The following FGD2 variants were observed in gnomAD, a reference collection of about 807,000 sequenced individuals.
The protein encoded by FGD2 is FYVE, RhoGEF and PH domain-containing protein 2.
Under a neutral mutation model 75.9 loss-of-function variants are expected in FGD2, and 52 were observed. The observed-to-expected ratio is 0.69, with a 90% CI of 0.55 to 0.86. The LOEUF (loss-of-function observed/expected upper bound fraction) is 0.86. Among genes scored for constraint, FGD2 ranks in the 40% least tolerant of loss-of-function variants. FGD2 has a pLI of 0.00. For synonymous variants in FGD2, 347 were observed against 348.6 expected (o/e 1.00, Z 0.05); for missense variants, 790 against 872.0 (o/e 0.91, Z 1.18).
At chr6:37,027,335 G>GT in intron 14 of FGD2, 94 bp from the exon 15 acceptor site, 1 of 1,456,602 alleles carries the variant, frequency 6.9e-7, no homozygotes, top group Non-Finnish European at 9.4e-7. Flanking sequence ...CAGTACTGCT[G>GT]TAAGGATTGG....
chr6:37,005,937 C>G (rs1320042698), intron 1 of FGD2, 52 bp downstream of exon 1: 2 of 1,588,296 alleles, frequency 1.3e-6, no homozygotes, highest in East Asian at 4.5e-5. Context: ...CAGCCACCCT[C>G]CAGCCTTTCT....
intron 9 of FGD2, among the ~76,000 whole-genome samples, chr6:37,019,419 T>C (rs1477793143): frequency 1.3e-5 from 2 of 152,294 alleles, no homozygotes. Flanking sequence ...TGAGGAAAGA[T>C]GTGCTTGTAC....
intron 3 of FGD2, 167 bp from the exon 4 acceptor site, chr6:37,011,539 C>A: frequency 1.1e-6 from 1 of 907,542 alleles, no homozygotes. Flanking sequence ...TGTAAAGTGG[C>A]CAGAACACAA....
In FGD2 at chr6:37,027,464, GTGCAGCTTCC is replaced by G. The variant is rs1325460007; in HGVS notation, c.1649_1658del (p.Phe550SerfsTer16). On this transcript the variant is annotated frameshift_variant, in exon 15 of 16. Coordinates refer to ENST00000274963, the MANE Select transcript of FGD2 (RefSeq NM_173558.4). LOFTEE classifies it high-confidence loss of function. The stretch of plus-strand genomic sequence containing the variant: ...CAGCCACGCCTGACCAGAGCCTGAT[GTGCAGCTTCC>G]TGCAGCTCATCGGGGACAAGTGGGG... The G allele has an allele frequency of 6.2e-7, 1 of 1,613,804 alleles. No individual in the cohort carries two copies. The highest frequency in any genetic ancestry group is 1.7e-5 in the Admixed American group (1 of 59,988).
intron 1 of FGD2, among the ~76,000 whole-genome samples, chr6:37,007,712 G>C (rs908898174): frequency 2.0e-5 from 3 of 152,194 alleles, no homozygotes; most frequent in African/African-American, 7.2e-5. Context: ...GCTGGCCAGG[G>C]GCCCTAGAAC....
intron 9 of FGD2, among the ~76,000 whole-genome samples, chr6:37,019,859 T>TC (rs1018239208): frequency 4.4e-4 from 66 of 149,752 alleles, no homozygotes; most frequent in African/African-American, 1.4e-3. Flanking sequence ...TCTTTTCTTT[T>TC]TTTTTTTTTT....
intron 9 of FGD2, 55 bp from the exon 10 acceptor site, chr6:37,020,486 G>A: frequency 6.6e-7 from 1 of 1,524,410 alleles, no homozygotes; most frequent in Non-Finnish European, 8.9e-7. Flanking sequence ...ACAGTGCTGT[G>A]CCTGGGACCC....
intron 3 of FGD2, 136 bp downstream of exon 3, chr6:37,011,186 AACCTC>A: frequency 1.3e-6 from 1 of 780,198 alleles, no homozygotes; most frequent in Non-Finnish European, 2.1e-6. Context: ...TTGGCCCTTT[AACCTC>A]AATGGCTGGG....
intron 9 of FGD2, among the ~76,000 whole-genome samples, chr6:37,018,044 T>G (rs1765387100): frequency 6.6e-6 from 1 of 152,154 alleles, no homozygotes; most frequent in Non-Finnish European, 1.5e-5. Flanking sequence ...TCTGGAGTCC[T>G]TGGTGAGTGA....
rs1583319592 is a variant in FGD2, at chr6:37,022,110, A to G, written c.1327-129A>G. ...GATCAGGTCAGTCAGCTTGCTGTAG[A>G]AGCCCCAGGGAAGCCCAACACAAAG... On this transcript the variant is annotated intron_variant, in intron 12 of 15. Transcript: ENST00000274963. The G allele has an allele frequency of 5.4e-6, 7 of 1,291,050 alleles. No individual in the cohort carries two copies. The East Asian group carries it at 1.9e-4, about 35-fold the overall frequency. 80.0% of individuals were successfully genotyped at this position (1,291,050 alleles called of 1,614,324 possible).
intron 14 of FGD2, chr6:37,026,242 C>T: frequency 2.0e-6 from 2 of 985,426 alleles, no homozygotes; most frequent in Non-Finnish European, 2.4e-6. Flanking sequence ...TGTTCACGTC[C>T]CCATGTCCTG....
Position 37,008,905 on chromosome 6 carries a change from A to C in FGD2, c.140A>C (p.Glu47Ala), listed in dbSNP as rs1764875676. The C allele has an allele frequency of 6.2e-7, 1 of 1,614,198 alleles. No homozygotes were observed. Among genetic ancestry groups the C allele is most frequent in the Non-Finnish European group, 8.5e-7 (1 of 1,180,008 alleles). ...VHHRPECRPP[E>A]SPGPREKTNV... Reference sequence around the variant, plus strand: ...CACCGCCCTGAGTGCAGGCCTCCCGAGTCCCCAGGACCACGGGAGAAGACG... The same window carrying C: ...CACCGCCCTGAGTGCAGGCCTCCCGCGTCCCCAGGACCACGGGAGAAGACG... Residue 47 changes from glutamate to alanine, a missense_variant, in exon 2 of 16, where the codon GAG becomes GCG. By Grantham distance (107) the Glu-to-Ala change is moderately radical. Coordinates refer to ENST00000274963, the MANE Select transcript of FGD2 (RefSeq NM_173558.4).
At chr6:37,011,945 A>T in intron 4 of FGD2, 91 bp downstream of exon 4, 1 of 1,416,134 alleles carries the variant, frequency 7.1e-7, no homozygotes, top group Non-Finnish European at 9.5e-7. Flanking sequence ...TCAGCCTCCT[A>T]GGCCCAGGCC....
At chr6:37,026,264 C>G in intron 14 of FGD2, 1 of 985,438 alleles carries the variant, frequency 1.0e-6, no homozygotes, top group Non-Finnish European at 1.2e-6. Context: ...CCCGACAGTC[C>G]CAGGGTGCCA....
chr6:37,027,657 G>C lies in FGD2; in HGVS notation c.1752+82G>C. ...GTGAAGGGGGTCAGGGGTGAGTATTGCTAGCTCCATATGTCAGATAGGGAA... is the reference window on the plus strand; with the variant it reads ...GTGAAGGGGGTCAGGGGTGAGTATTCCTAGCTCCATATGTCAGATAGGGAA... On this transcript the variant is annotated intron_variant, in intron 15 of 15. Coordinates refer to ENST00000274963, the MANE Select transcript of FGD2 (RefSeq NM_173558.4). The C allele has an allele frequency of 2.0e-6, 3 of 1,528,242 alleles. No homozygotes were observed. In the South Asian group the frequency reaches 3.5e-5, roughly 18 times the overall value. The allele number at this position is 1,528,242 out of a possible 1,614,324, so 94.7% of individuals were successfully genotyped here.
chr6:37,020,888 ATGTGTGTG>A (rs58421270), intron 11 of FGD2, 149 bp downstream of exon 11: 6 of 696,440 alleles, frequency 8.6e-6, no homozygotes, highest in Admixed American at 2.8e-5. Context: ...GTATGTATGC[ATGTGTGTG>A]TGTGTGTGTG....
chr6:37,016,237 C>G (rs1765285906), intron 9 of FGD2, among the ~76,000 whole-genome samples: 1 of 152,186 alleles, frequency 6.6e-6, no homozygotes, highest in Non-Finnish European at 1.5e-5. Context: ...TCCTGCATTT[C>G]TAACCAGCTC....
intron 4 of FGD2, chr6:37,012,986 GTA>G (rs1384266261): frequency 1.0e-5 from 1 of 95,574 alleles, no homozygotes; most frequent in African/African-American, 4.1e-5. Context: ...GTGTGTGTGT[GTA>G]TACATATATA....
intron 7 of FGD2, 93 bp downstream of exon 7, chr6:37,014,797 C>T: frequency 6.2e-7 from 1 of 1,608,884 alleles, no homozygotes; most frequent in Non-Finnish European, 8.5e-7. Context: ...GCTGCCCTCA[C>T]TGTTACCCCC....
Sources: gnomAD v4.1 joint callset for allele counts (sites outside exome capture counted in the v4.1 genomes callset) on GRCh38, gnomAD v4.1.1 for gene constraint, MANE v1.5 for transcripts, NCBI Gene and HGNC (gene_info 2026-07-23, HGNC 2026-07-21) for gene names.